Variants in OIP5 observed in about 807,000 individuals in gnomAD.
OIP5 encodes the protein Opa interacting protein 5.
Under a neutral mutation model 20.3 loss-of-function variants are expected in OIP5, and 24 were observed. The observed-to-expected ratio is 1.18, with a 90% CI of 0.86 to 1.66. OIP5 has a LOEUF of 1.66. Ranked by LOEUF, OIP5 falls within the 40% of genes most tolerant of loss-of-function variation. The probability of loss-of-function intolerance (pLI) is 0.00; values close to 1 mark genes in which losing one functional copy is unlikely to be tolerated. For synonymous variants in OIP5, 143 were observed against 121.3 expected, an observed-to-expected ratio of 1.18 and a Z score of -1.17; for missense variants, 339 against 289.5, an observed-to-expected ratio of 1.17 and a Z score of -1.24.
At chr15:41,314,058 C>A (rs915401356) in intron 3 of OIP5, among the ~76,000 whole-genome samples, 4 of 152,082 alleles carry the variant, frequency 2.6e-5, no homozygotes, top group Admixed American at 6.6e-5. Context: ...AGAAAGTAAT[C>A]CCAGTATGAG....
chr15:41,314,359 C>T lies in OIP5; in HGVS notation c.513-1005G>A, dbSNP rs1054879125. Among the ~76,000 whole-genome samples the T allele has an allele frequency of 3.9e-5, 6 of 152,192 alleles. No homozygotes were observed. The South Asian group carries it at 1.2e-3, about 31-fold the overall frequency. ...TCAGGTGATCCCCCTGCCTGGGCCT[C>T]CCAAAGTGCTGGGATTATAGGCGTG... is the stretch of plus-strand genomic sequence containing the variant. On this transcript the variant is annotated intron_variant, in intron 3 of 4. Transcript: ENST00000220514.
At chr15:41,330,290 G>A (rs922981766) in intron 2 of OIP5, among the ~76,000 whole-genome samples, 1 of 151,150 alleles carries the variant, frequency 6.6e-6, no homozygotes, top group Non-Finnish European at 1.5e-5. Flanking sequence ...GTAGAGACAG[G>A]GTTTCTCCAT....
In OIP5 at chr15:41,311,951, T is replaced by C. The variant is rs1023006594; in HGVS notation, c.594+1322A>G. Reference sequence around the variant, plus strand: ...CTCACTGCAACCTCTGCCTCCCAGGTTCAAGCGATTCTCCTGCCTCAGCCT... The same window carrying C: ...CTCACTGCAACCTCTGCCTCCCAGGCTCAAGCGATTCTCCTGCCTCAGCCT... On this transcript the variant is annotated intron_variant, in intron 4 of 4. Transcript: ENST00000220514. 1.2e-4 allele frequency among the ~76,000 whole-genome samples: 17 copies of C among 142,226 alleles called. 2 individuals carry two copies. The highest frequency in any genetic ancestry group is 7.0e-3 in the Middle Eastern group (2 of 286). The allele number at this position is 142,226 out of a possible 152,430, so 93.3% of individuals were successfully genotyped here. A position where few individuals can be genotyped will look rare whatever the true frequency, so the allele number is the denominator to read the frequency against.
Position 41,332,558 on chromosome 15 carries a change from C to T in OIP5, c.4G>A (p.Ala2Thr). The T allele has an allele frequency of 6.3e-7, 1 of 1,599,202 alleles. No individual in the cohort carries two copies. Among genetic ancestry groups the T allele is most frequent in the Non-Finnish European group, 8.5e-7 (1 of 1,173,430 alleles). Residue 2 changes from alanine (A) to threonine (T), a missense_variant, in exon 1 of 5, where the codon GCG becomes ACG. Ala to Thr is a moderately conservative substitution (Grantham distance 58). Transcript: ENST00000220514. ...GAGCGATGCCGCAGCGGCTGAGCCGCCATCTTCCCGCAGCCGGCGCCTTCC... is the reference window on the plus strand; with the variant it reads ...GAGCGATGCCGCAGCGGCTGAGCCGTCATCTTCCCGCAGCCGGCGCCTTCC... M[A>T]AQPLRHRSRC...
intron 4 of OIP5, among the ~76,000 whole-genome samples, chr15:41,310,616 G>A (rs2047748017): frequency 6.8e-6 from 1 of 147,136 alleles, no homozygotes; most frequent in Non-Finnish European, 1.5e-5. Context: ...GTGACAGAGC[G>A]AGACTCCGTC....
intron 2 of OIP5, among the ~76,000 whole-genome samples, chr15:41,329,063 CAAAAAA>C (rs1166517767): frequency 3.0e-4 from 15 of 50,354 alleles, no homozygotes; most frequent in South Asian, 1.7e-3. Flanking sequence ...GACTCCATCT[CAAAAAA>C]AAAAAAAAAA....
intron 3 of OIP5, among the ~76,000 whole-genome samples, chr15:41,316,432 G>A (rs942012422): frequency 1.3e-5 from 2 of 152,106 alleles, no homozygotes; most frequent in African/African-American, 4.8e-5. Context: ...TAAAGGACTG[G>A]CTGATAAGTT....
At position 41,332,556 on chromosome 15, in the gene OIP5, C is replaced by A. The variant is rs370751576; in HGVS notation, c.6G>T (p.Ala2=). 1.3e-6 allele frequency: 2 copies of A among 1,599,716 alleles called. No individual in the cohort carries two copies. The highest frequency in any genetic ancestry group is 1.4e-5 in the African/African-American group (1 of 73,680). M[A]AQPLRHRSRC... Reference sequence around the variant, plus strand: ...GTGAGCGATGCCGCAGCGGCTGAGCCGCCATCTTCCCGCAGCCGGCGCCTT... The same window carrying A: ...GTGAGCGATGCCGCAGCGGCTGAGCAGCCATCTTCCCGCAGCCGGCGCCTT... The change falls in exon 1 of 5, where the codon GCG becomes GCT. Residue 2 remains alanine, a synonymous_variant. Coordinates refer to ENST00000220514, the MANE Select transcript of OIP5 (RefSeq NM_007280.2).
At chr15:41,329,876 T>C (rs1488813262) in intron 2 of OIP5, among the ~76,000 whole-genome samples, 2 of 151,650 alleles carry the variant, frequency 1.3e-5, no homozygotes, top group Non-Finnish European at 2.9e-5. Context: ...AATTTTTGTA[T>C]TTCTAGTAGA....
chr15:41,330,333 T>C (rs7182324), intron 2 of OIP5, among the ~76,000 whole-genome samples: 1 of 151,616 alleles, frequency 6.6e-6, no homozygotes, highest in African/African-American at 2.4e-5. Flanking sequence ...TCCCGACCTC[T>C]GGTGATCTGC....
chr15:41,323,982 CTGCT>C (rs918883719), intron 2 of OIP5, among the ~76,000 whole-genome samples: 2 of 137,144 alleles, frequency 1.5e-5, no homozygotes, highest in African/African-American at 5.6e-5. Context: ...GAACCAACCT[CTGCT>C]TTTTTTTTTT....
At chr15:41,329,983 C>A (rs191746310) in intron 2 of OIP5, among the ~76,000 whole-genome samples, 75 of 152,260 alleles carry the variant, frequency 4.9e-4, no homozygotes, top group African/African-American at 1.4e-3. Context: ...ATGCATCAGC[C>A]ACGGCGCCTG....
chr15:41,327,794 A>C (rs1306809376), intron 2 of OIP5, among the ~76,000 whole-genome samples: 1 of 143,106 alleles, frequency 7.0e-6, no homozygotes, highest in African/African-American at 2.8e-5. Flanking sequence ...TCTCAAAAAA[A>C]TAAAAAATAA....
chr15:41,315,275 C>G (rs749274781), intron 3 of OIP5, among the ~76,000 whole-genome samples: 2 of 151,596 alleles, frequency 1.3e-5, no homozygotes, highest in Non-Finnish European at 2.9e-5. Context: ...AATAAAAATA[C>G]AAAAATTAGC....
chr15:41,318,009 G>GTGGGAATCACACATGA (rs2047798297), intron 3 of OIP5, among the ~76,000 whole-genome samples: 1 of 152,078 alleles, frequency 6.6e-6, no homozygotes, highest in African/African-American at 2.4e-5. Flanking sequence ...GTACCTGGGA[G>GTGGGAATCACACATGA]TGGGAATCAC....
intron 2 of OIP5, among the ~76,000 whole-genome samples, chr15:41,325,406 AAAAT>A (rs1170588705): frequency 1.3e-5 from 2 of 152,076 alleles, no homozygotes; most frequent in East Asian, 3.9e-4. Context: ...CCTCCGTCTC[AAAAT>A]AAATAAATAA....
chr15:41,310,231 TTATATC>T (rs1211918722), intron 4 of OIP5, among the ~76,000 whole-genome samples: 1 of 152,202 alleles, frequency 6.6e-6, no homozygotes. Flanking sequence ...TTAAGCTAGT[TTATATC>T]TAGTAATTGG....
chr15:41,323,541 G>A (rs1252460914), intron 2 of OIP5, among the ~76,000 whole-genome samples: 1 of 152,058 alleles, frequency 6.6e-6, no homozygotes, highest in African/African-American at 2.4e-5. Context: ...TACAATCACA[G>A]CTCACTACAG....
intron 2 of OIP5, among the ~76,000 whole-genome samples, chr15:41,323,136 G>A (rs754477368): frequency 1.4e-4 from 22 of 152,102 alleles, no homozygotes; most frequent in African/African-American, 2.4e-4. Flanking sequence ...GAAATTCCAC[G>A]TAGGAATTAA....
Sources: gnomAD v4.1 joint callset for allele counts (sites outside exome capture counted in the v4.1 genomes callset) on GRCh38, gnomAD v4.1.1 for gene constraint, MANE v1.5 for transcripts, NCBI Gene and HGNC (gene_info 2026-07-23, HGNC 2026-07-21) for gene names.